The following DISP1 variants were observed in gnomAD, a reference collection of about 807,000 sequenced individuals.
The protein encoded by DISP1 is protein dispatched homolog 1.
A neutral mutation model predicts 37.3 loss-of-function variants in DISP1; 30 were observed. The ratio of observed to expected loss-of-function variants is 0.80; its 90% CI spans 0.60 to 1.09. The LOEUF is 1.09. Among genes scored for constraint, DISP1 ranks in the 50% least tolerant of loss-of-function variants. The pLI is 0.00. For missense variants in DISP1, 1,598 were observed against 1,879.5 expected, an observed-to-expected ratio of 0.85 and a Z score of 2.77; for synonymous variants, 634 against 690.2, an observed-to-expected ratio of 0.92 and a Z score of 1.28.
At chr1:222,936,764 A>AATTATATATATCATATATATGATATAT (rs1673804507) in intron 2 of DISP1, among the ~76,000 whole-genome samples, 11 of 50,856 alleles carry the variant, frequency 2.2e-4, no homozygotes, top group Admixed American at 2.1e-3. Context: ...ATGATATATA[A>AATTATATATATCATATATATGATATAT]AAATTATATA....
chr1:222,876,326 A>C (rs140520869), intron 1 of DISP1, among the ~76,000 whole-genome samples: 1 of 152,212 alleles, frequency 6.6e-6, no homozygotes, highest in Non-Finnish European at 1.5e-5. Context: ...TAAATCTTCA[A>C]TAAAGATAAA....
chr1:222,873,886 T>A (rs2125351386), intron 1 of DISP1, among the ~76,000 whole-genome samples: 1 of 152,324 alleles, frequency 6.6e-6, no homozygotes, highest in Non-Finnish European at 1.5e-5. Context: ...CTTTACAATT[T>A]GGCATGTTTT....
At chr1:222,894,189 A>G (rs1201810078) in intron 1 of DISP1, among the ~76,000 whole-genome samples, 1 of 152,170 alleles carries the variant, frequency 6.6e-6, no homozygotes, top group Non-Finnish European at 1.5e-5. Flanking sequence ...GACTTCACCT[A>G]GAACTGACAG....
chr1:222,920,676 G>A (rs946870672), intron 1 of DISP1, among the ~76,000 whole-genome samples: 10 of 152,048 alleles, frequency 6.6e-5, no homozygotes, highest in African/African-American at 2.4e-4. Context: ...TTACGTTAAG[G>A]AGGGTTGGAA....
chr1:222,946,000 C>T (rs1034185387), intron 3 of DISP1: 2 of 151,996 alleles, frequency 1.3e-5, no homozygotes, highest in African/African-American at 2.4e-5. Context: ...AAAATTGCCA[C>T]AATTGTCCAT....
intron 1 of DISP1, among the ~76,000 whole-genome samples, chr1:222,905,800 G>A (rs1671858395): frequency 6.6e-6 from 1 of 152,034 alleles, no homozygotes; most frequent in African/African-American, 2.4e-5. Context: ...ATTCAAACTT[G>A]TTCTAGAATA....
At chr1:222,900,373 C>T (rs1215276620) in intron 1 of DISP1, among the ~76,000 whole-genome samples, 1 of 152,034 alleles carries the variant, frequency 6.6e-6, no homozygotes. Flanking sequence ...TCATACATAC[C>T]CATTCACATG....
In DISP1 at chr1:222,817,730, A is replaced by G. The variant is rs575749499; in HGVS notation, c.-159+2652A>G. 1.9e-4 allele frequency among the ~76,000 whole-genome samples: 29 copies of G among 152,302 alleles called. No homozygotes were observed. In the East Asian group the frequency reaches 4.8e-3, roughly 25 times the overall value. On this transcript the variant is annotated intron_variant, in intron 1 of 8. Transcript: ENST00000675850. ...TCTGGTGAGTTAGACCTTTTCTCCA[A>G]TAGTGACCAAGATGACTTGGGCCTC...
At chr1:222,851,081 T>C (rs1209914892) in intron 1 of DISP1, among the ~76,000 whole-genome samples, 2 of 149,522 alleles carry the variant, frequency 1.3e-5, no homozygotes, top group Non-Finnish European at 3.0e-5. Flanking sequence ...TTTTTTTTTT[T>C]TGAGACAGAG....
At chr1:222,976,665 C>G (rs1297921064) in intron 3 of DISP1, among the ~76,000 whole-genome samples, 14 of 151,978 alleles carry the variant, frequency 9.2e-5, no homozygotes, top group Admixed American at 9.2e-4. Context: ...ATAGTTGTTT[C>G]TCTCCAGGGA....
intron 1 of DISP1, among the ~76,000 whole-genome samples, chr1:222,825,971 A>G (rs1664282074): frequency 6.6e-6 from 1 of 152,212 alleles, no homozygotes; most frequent in African/African-American, 2.4e-5. Context: ...GTGAGATCAT[A>G]GCCCACTACA....
chr1:222,952,538 A>G (rs1675299285), intron 3 of DISP1, among the ~76,000 whole-genome samples: 1 of 152,202 alleles, frequency 6.6e-6, no homozygotes, highest in African/African-American at 2.4e-5. Context: ...AAGAAATGAC[A>G]AAAATAAAAT....
intron 1 of DISP1, among the ~76,000 whole-genome samples, chr1:222,864,096 T>C (rs953717659): frequency 6.6e-6 from 1 of 152,336 alleles, no homozygotes; most frequent in Non-Finnish European, 1.5e-5. Flanking sequence ...TATATGTAAA[T>C]TAAAGTTTTA....
intron 3 of DISP1, among the ~76,000 whole-genome samples, chr1:222,944,535 G>A (rs911726532): frequency 2.0e-5 from 3 of 152,110 alleles, no homozygotes; most frequent in Admixed American, 6.5e-5. Flanking sequence ...TATTCAGTTC[G>A]ATCAGTGTTG....
Position 223,005,228 on chromosome 1 carries a change from C to G in DISP1, c.3831C>G (p.Tyr1277Ter), listed in dbSNP as rs769589801. 6.2e-7 allele frequency: 1 copy of G among 1,614,024 alleles called. No individual in the cohort carries two copies. The highest frequency in any genetic ancestry group is 1.3e-5 in the African/African-American group (1 of 74,942). The stretch of plus-strand genomic sequence containing the variant: ...AGAGATGTAGCTGCCCAGATGCCTA[C>G]AAACACTTGAACTATGGCCCACACT... ...LNQRCSCPDA[Y>*]KHLNYGPHSC... is the part of the protein sequence containing the mutation. Residue 1277 changes from tyrosine (Y) to a stop codon, truncating the protein, a stop_gained, in exon 9 of 9, where the codon TAC becomes TAG. Transcript: ENST00000675850. LOFTEE classifies it low-confidence loss of function (END_TRUNC).
chr1:223,005,470 A>T lies in DISP1; in HGVS notation c.4073A>T (p.His1358Leu). 1.2e-6 allele frequency: 2 copies of T among 1,613,860 alleles called. No homozygotes were observed. The highest frequency in any genetic ancestry group is 2.2e-5 in the South Asian group (2 of 91,084). ...QNSLPRNFFL[H>L]PVQHIQAQEK... ...TCTCTGCCTAGGAATTTTTTCCTCC[A>T]CCCAGTGCAGCACATTCAGGCCCAA... The change falls in exon 9 of 9, where the codon CAC (histidine) becomes CTC (leucine). Residue 1358 changes from histidine (H) to leucine (L), a missense_variant. His to Leu is a moderately conservative substitution (Grantham distance 99, BLOSUM62 -3). Transcript: ENST00000675850.
chr1:222,919,498 C>T (rs1672694998), intron 1 of DISP1, among the ~76,000 whole-genome samples: 1 of 152,188 alleles, frequency 6.6e-6, no homozygotes, highest in African/African-American at 2.4e-5. Context: ...GCTGCCTTTG[C>T]TCACTAGAAG....
rs1668974810 is a variant in DISP1, at chr1:222,863,038, C to T, written c.-159+47960C>T. 6.6e-5 allele frequency among the ~76,000 whole-genome samples: 10 copies of T among 152,152 alleles called. No individual in the cohort carries two copies. In the South Asian group the frequency reaches 2.1e-3, roughly 32 times the overall value. Reference sequence around the variant, plus strand: ...CTAGTTTGGGTTTGTATCATGTATCCTCCTAATTAGATTGAGGTTTTGCAG... The same window carrying T: ...CTAGTTTGGGTTTGTATCATGTATCTTCCTAATTAGATTGAGGTTTTGCAG... On this transcript the variant is annotated intron_variant, in intron 1 of 8. Transcript: ENST00000675850.
At chr1:222,926,361 G>A (rs1673084533) in intron 1 of DISP1, among the ~76,000 whole-genome samples, 1 of 152,154 alleles carries the variant, frequency 6.6e-6, no homozygotes, top group Non-Finnish European at 1.5e-5. Context: ...TGGCAGTTAT[G>A]AATAAGGCAC....
Sources: allele counts gnomAD v4.1 joint callset (sites outside exome capture counted in the v4.1 genomes callset), GRCh38; gene constraint gnomAD v4.1.1; transcripts MANE v1.5; gene names NCBI Gene and HGNC (gene_info 2026-07-23, HGNC 2026-07-21).